Variants in NBAS observed in about 807,000 individuals in gnomAD.
NBAS encodes NBAS subunit of NRZ tethering complex.
NBAS carries 219 observed loss-of-function variants against 302.5 expected under a neutral mutation model. The ratio of observed to expected loss-of-function variants is 0.72; its 90% CI spans 0.65 to 0.81. The LOEUF is 0.81. Among genes scored for constraint, NBAS ranks in the 30% least tolerant of loss-of-function variants. NBAS has a pLI of 0.00. For missense variants in NBAS, 2,932 were observed against 2,841.6 expected (o/e 1.03, Z -0.72); for synonymous variants, 1,118 against 1,021.6 (o/e 1.09, Z -1.80).
intron 13 of NBAS, among the ~76,000 whole-genome samples, chr2:15,476,564 T>C (rs1339261204): frequency 3.3e-5 from 5 of 151,936 alleles, no homozygotes. Flanking sequence ...CTATTAAAAA[T>C]ACAAAAATTA....
chr2:14,895,739 C>CAAAAAAAAAAAAAAAAAAAAA, the NBAS span, among the ~76,000 whole-genome samples: 1 of 95,474 alleles, frequency 1.0e-5, no homozygotes, highest in African/African-American at 3.8e-5. Flanking sequence ...GACTCCGTCT[C>CAAAAAAAAAAAAAAAAAAAAA]AAAAAAAAAA....
At chr2:15,528,877 AAAT>A (rs1272505657) in intron 9 of NBAS, among the ~76,000 whole-genome samples, 1 of 128,798 alleles carries the variant, frequency 7.8e-6, no homozygotes, top group African/African-American at 3.0e-5. Context: ...AAAAAAAAAA[AAAT>A]ATATATATAT....
intron 28 of NBAS, among the ~76,000 whole-genome samples, chr2:15,388,772 T>C (rs1675436834): frequency 6.6e-6 from 1 of 152,146 alleles, no homozygotes. Flanking sequence ...AATAATGAGT[T>C]ACGTTCACAA....
chr2:15,182,234 G>A (rs542553313), intron 50 of NBAS, among the ~76,000 whole-genome samples: 3 of 152,350 alleles, frequency 2.0e-5, no homozygotes, highest in East Asian at 3.9e-4. Context: ...ATCTCTACCA[G>A]CAAGGCAGCT....
chr2:14,900,514 A>G, the NBAS span, among the ~76,000 whole-genome samples: 1 of 152,182 alleles, frequency 6.6e-6, no homozygotes, highest in East Asian at 1.9e-4. Flanking sequence ...TGGTTTGGTT[A>G]TGGTTTGGTT....
chr2:15,306,649 C>A (rs1250712139), intron 40 of NBAS, among the ~76,000 whole-genome samples: 2 of 152,046 alleles, frequency 1.3e-5, no homozygotes, highest in African/African-American at 2.4e-5. Flanking sequence ...ATGCTTTCTA[C>A]CATGTGGAAG....
At chr2:15,418,119 G>C (rs756768470) in intron 23 of NBAS, among the ~76,000 whole-genome samples, 2 of 152,112 alleles carry the variant, frequency 1.3e-5, no homozygotes, top group Admixed American at 1.3e-4. Flanking sequence ...CAAAAAGAAT[G>C]TTTGTTTTGA....
intron 7 of NBAS, 82 bp downstream of exon 7, chr2:15,539,141 C>T (rs990805702): frequency 6.4e-7 from 1 of 1,556,194 alleles, no homozygotes; most frequent in Non-Finnish European, 8.8e-7. Context: ...GTATTATCCC[C>T]CCCTTCACAC....
intron 9 of NBAS, among the ~76,000 whole-genome samples, chr2:15,525,531 T>C (rs1401238773): frequency 6.6e-6 from 1 of 152,200 alleles, no homozygotes; most frequent in Non-Finnish European, 1.5e-5. Flanking sequence ...ACCGTAGTAG[T>C]GGTGGCACAA....
chr2:15,381,943 C>T (rs190864082), intron 29 of NBAS, among the ~76,000 whole-genome samples: 22 of 152,210 alleles, frequency 1.4e-4, no homozygotes, highest in Admixed American at 1.1e-3. Flanking sequence ...CTGATTTCAT[C>T]AATGGGTTAT....
At chr2:15,171,722 C>T (rs890977043) in intron 51 of NBAS, among the ~76,000 whole-genome samples, 2 of 152,158 alleles carry the variant, frequency 1.3e-5, no homozygotes, top group African/African-American at 4.8e-5. Context: ...ACTTTATTTA[C>T]AGACAGGGAC....
At chr2:15,361,332 G>A (rs1673912567) in intron 32 of NBAS, among the ~76,000 whole-genome samples, 1 of 152,106 alleles carries the variant, frequency 6.6e-6, no homozygotes, top group Non-Finnish European at 1.5e-5. Context: ...GGCCAACATG[G>A]TGAAATCCCA....
chr2:15,245,366 C>G (rs1249051566), intron 44 of NBAS, among the ~76,000 whole-genome samples: 1 of 152,070 alleles, frequency 6.6e-6, no homozygotes, highest in Non-Finnish European at 1.5e-5. Flanking sequence ...TTCTCCCAGG[C>G]ACCCTCATGA....
chr2:15,217,790 G>T (rs1432857442), intron 48 of NBAS, among the ~76,000 whole-genome samples: 1 of 152,220 alleles, frequency 6.6e-6, no homozygotes, highest in Non-Finnish European at 1.5e-5. Flanking sequence ...TAAACTCTGA[G>T]TATGTGCACA....
intron 51 of NBAS, among the ~76,000 whole-genome samples, chr2:15,175,092 G>A (rs1417414971): frequency 6.6e-6 from 1 of 151,854 alleles, no homozygotes; most frequent in Non-Finnish European, 1.5e-5. Context: ...TCAGACTCCC[G>A]AGTAGCTGGG....
chr2:15,019,468 GA>G, the NBAS span, among the ~76,000 whole-genome samples: 3 of 152,146 alleles, frequency 2.0e-5, no homozygotes, highest in African/African-American at 7.2e-5. Context: ...GAAAGAGGAA[GA>G]GGGGCTGCAG....
At chr2:15,295,656 C>T (rs566740560) in intron 40 of NBAS, among the ~76,000 whole-genome samples, 2 of 152,170 alleles carry the variant, frequency 1.3e-5, no homozygotes, top group East Asian at 1.9e-4. Flanking sequence ...CTGTATAATT[C>T]ATTTTGCATT....
chr2:15,037,607 G>A, the NBAS span, among the ~76,000 whole-genome samples: 69 of 152,258 alleles, frequency 4.5e-4, no homozygotes, highest in African/African-American at 1.6e-3. Context: ...TAATTATTTG[G>A]AATTAAAAAT....
the NBAS span, among the ~76,000 whole-genome samples, chr2:15,155,888 C>G: frequency 1.3e-5 from 2 of 152,328 alleles, no homozygotes; most frequent in African/African-American, 4.8e-5. Context: ...AAATCAATAA[C>G]AACTCATCAC....
Sources: gnomAD v4.1 joint callset for allele counts (sites outside exome capture counted in the v4.1 genomes callset) on GRCh38, gnomAD v4.1.1 for gene constraint, MANE v1.5 for transcripts, NCBI Gene and HGNC (gene_info 2026-07-23, HGNC 2026-07-21) for gene names.